The following INSR variants were observed in gnomAD, a reference collection of about 807,000 sequenced individuals.
The protein encoded by INSR is insulin receptor.
Under a neutral mutation model 142.6 loss-of-function variants are expected in INSR, and 67 were observed. The observed-to-expected ratio is 0.47, with a 90% CI of 0.39 to 0.58. INSR has a LOEUF of 0.58. Among genes scored for constraint, INSR ranks in the 20% least tolerant of loss-of-function variants. The pLI is 0.00. For missense variants in INSR, 1,248 were observed against 1,833.2 expected (o/e 0.68, Z 5.83); for synonymous variants, 756 against 743.1 (o/e 1.02, Z -0.28).
intron 1 of INSR, among the ~76,000 whole-genome samples, chr19:7,271,924 C>T (rs950866894): frequency 2.0e-5 from 3 of 151,772 alleles, no homozygotes; most frequent in African/African-American, 4.8e-5. Context: ...GCAGGAGGAT[C>T]GCTTGAGCCT....
intron 2 of INSR, among the ~76,000 whole-genome samples, chr19:7,214,293 T>G (rs550826892): frequency 7.2e-5 from 11 of 152,198 alleles, no homozygotes; most frequent in Middle Eastern, 3.2e-3. Context: ...ACTCTAGTTC[T>G]TATTCCCCCC....
chr19:7,263,941 G>A (rs1302760774), intron 2 of INSR, among the ~76,000 whole-genome samples: 2 of 152,034 alleles, frequency 1.3e-5, no homozygotes, highest in Admixed American at 6.6e-5. Context: ...AGGCCAAGGC[G>A]GGCAGATCAC....
intron 3 of INSR, 31 bp from the exon 4 acceptor site, chr19:7,174,762 G>T: frequency 6.4e-7 from 1 of 1,569,206 alleles, no homozygotes; most frequent in Non-Finnish European, 8.7e-7. Context: ...GAGAGAAAGA[G>T]AAAGGGGAGG....
intron 16 of INSR, among the ~76,000 whole-genome samples, chr19:7,126,016 C>A (rs1363581278): frequency 6.6e-6 from 1 of 152,130 alleles, no homozygotes. Flanking sequence ...TGGGAATCAA[C>A]AAGAATTGTC....
chr19:7,153,231 C>CACACCACACACCACACACACCAA (rs1973465880), intron 9 of INSR, among the ~76,000 whole-genome samples: 1 of 1,868 alleles, frequency 5.4e-4, no homozygotes, highest in Non-Finnish European at 2.3e-3. Context: ...ACGCACCACA[C>CACACCACACACCACACACACCAA]ACACACCATA....
chr19:7,229,257 A>AGATG (rs143390070), intron 2 of INSR, among the ~76,000 whole-genome samples: 28 of 135,062 alleles, frequency 2.1e-4, no homozygotes, highest in Non-Finnish European at 3.3e-4. Context: ...ATGAATGGAT[A>AGATG]GATGGATGGA....
intron 13 of INSR, among the ~76,000 whole-genome samples, chr19:7,133,472 C>T (rs1261332959): frequency 6.6e-6 from 1 of 152,196 alleles, no homozygotes; most frequent in East Asian, 1.9e-4. Context: ...CACCATTCAT[C>T]TACAGAGCAG....
chr19:7,126,442 G>A (rs1599875422), intron 16 of INSR, 142 bp downstream of exon 16: 3 of 754,702 alleles, frequency 4.0e-6, no homozygotes, highest in South Asian at 1.5e-5. Flanking sequence ...CTGCAGCAAG[G>A]GCAGTTTGGC....
intron 11 of INSR, among the ~76,000 whole-genome samples, chr19:7,144,437 CTT>C (rs976697971): frequency 6.6e-6 from 1 of 152,080 alleles, no homozygotes; most frequent in African/African-American, 2.4e-5. Context: ...GAGTTTCACT[CTT>C]GTCGCCCAGG....
At chr19:7,196,271 G>A (rs1974745839) in intron 2 of INSR, among the ~76,000 whole-genome samples, 1 of 152,126 alleles carries the variant, frequency 6.6e-6, no homozygotes, top group African/African-American at 2.4e-5. Context: ...ATCCACTGAA[G>A]AATTAAGGAG....
chr19:7,195,927 CT>C (rs766101939), intron 2 of INSR, among the ~76,000 whole-genome samples: 1 of 99,828 alleles, frequency 1.0e-5, no homozygotes, highest in African/African-American at 4.4e-5. Flanking sequence ...TCTTTCTTTT[CT>C]TTCTTTTTTT....
chr19:7,244,469 G>A (rs1236800936), intron 2 of INSR, among the ~76,000 whole-genome samples: 1 of 151,262 alleles, frequency 6.6e-6, no homozygotes, highest in Admixed American at 6.6e-5. Context: ...GGAGGCAGAG[G>A]TTGCAGTGAG....
At chr19:7,132,355 C>A in intron 13 of INSR, 38 bp from the exon 14 acceptor site, 6 of 1,604,882 alleles carry the variant, frequency 3.7e-6, no homozygotes, top group Non-Finnish European at 3.4e-6. Flanking sequence ...GGTGGCTGAG[C>A]TTTGCACATC....
chr19:7,259,347 C>T lies in INSR; in HGVS notation c.652+7998G>A, dbSNP rs192156601. Among the ~76,000 whole-genome samples, 378 of 151,996 alleles carry T rather than the reference C, an allele frequency of 2.5e-3. 2 individuals are homozygous for T. Among genetic ancestry groups the T allele is most frequent in the Non-Finnish European group, 4.5e-3 (305 of 67,988 alleles). The stretch of plus-strand genomic sequence containing the variant: ...CTACCCATGTGTGTGGGGTGCGCGG[C>T]GGAAGGGGTGGGCGGGGCAGTGTTG... On this transcript the variant is annotated intron_variant, in intron 2 of 21. Transcript: ENST00000302850.
rs1423147538 is a variant in INSR at position 7,197,916 on chromosome 19, AGAGTGT to A, written c.653-13285_653-13280del. On this transcript the variant is annotated intron_variant, in intron 2 of 21. Transcript: ENST00000302850. ...CCCAGGATTGGTCGGTTCCAGAGTG[AGAGTGT>A]GTGTGTGTGTGTGTGTGTGTGTGTG... is the stretch of plus-strand genomic sequence containing the variant. 9.8e-5 allele frequency among the ~76,000 whole-genome samples: 7 copies of A among 71,344 alleles called. 1 individual carries two copies. The highest frequency in any genetic ancestry group is 4.8e-4 in the African/African-American group (6 of 12,408). 46.8% of individuals were successfully genotyped at this position (71,344 alleles called of 152,430 possible).
chr19:7,197,516 G>GGGGGTGTGTGT (rs1974790392), intron 2 of INSR, among the ~76,000 whole-genome samples: 2 of 70,854 alleles, frequency 2.8e-5, no homozygotes, highest in African/African-American at 1.2e-4. Flanking sequence ...TGGGAGTGGG[G>GGGGGTGTGTGT]GTGTGTGTGT....
chr19:7,291,850 T>C (rs1453657907), intron 1 of INSR, among the ~76,000 whole-genome samples: 4 of 152,154 alleles, frequency 2.6e-5, no homozygotes, highest in Non-Finnish European at 5.9e-5. Flanking sequence ...TGTCGCCCAG[T>C]GGCACGATCT....
At chr19:7,190,950 A>C (rs1007371587) in intron 2 of INSR, among the ~76,000 whole-genome samples, 2 of 152,242 alleles carry the variant, frequency 1.3e-5, no homozygotes, top group Non-Finnish European at 2.9e-5. Flanking sequence ...ATATCAAAAC[A>C]TCACATGGTA....
At chr19:7,158,956 G>A (rs1482913299) in intron 9 of INSR, among the ~76,000 whole-genome samples, 1 of 151,942 alleles carries the variant, frequency 6.6e-6, no homozygotes, top group African/African-American at 2.4e-5. Context: ...AGGCTGGAGT[G>A]CAATGGCGTG....
Sources: allele counts gnomAD v4.1 joint callset (sites outside exome capture counted in the v4.1 genomes callset), GRCh38; gene constraint gnomAD v4.1.1; transcripts MANE v1.5; gene names NCBI Gene and HGNC (gene_info 2026-07-23, HGNC 2026-07-21).